Variants in TBC1D32 observed in about 807,000 individuals in gnomAD.
TBC1D32 encodes TBC1 domain family member 32.
TBC1D32 carries 151 observed loss-of-function variants against 170.3 expected under a neutral mutation model. The ratio of observed to expected loss-of-function variants is 0.89; its 90% CI spans 0.78 to 1.01. The LOEUF (loss-of-function observed/expected upper bound fraction) is 1.01. TBC1D32 is among the 50% of genes least tolerant of loss of function. TBC1D32 has a pLI of 0.00. For synonymous variants in TBC1D32, 498 were observed against 488.0 expected (o/e 1.02, Z -0.27); for missense variants, 1,464 against 1,457.1 (o/e 1.00, Z -0.08).
In TBC1D32 at chr6:121,160,954, G is replaced by A. The variant is rs771787901; in HGVS notation, c.2673C>T (p.Leu891=). ...CTCTTTGCCCCACACTCACCTTTTCGAGTAACCTCGGAGGCAAAATCCGTT... is the reference window on the plus strand; with the variant it reads ...CTCTTTGCCCCACACTCACCTTTTCAAGTAACCTCGGAGGCAAAATCCGTT... The part of the protein sequence containing the change: ...PLERILPPRL[L]EKSDNPYPWP... The change falls in exon 23 of 32, where the codon CTC becomes CTT. Residue 891 remains leucine (L), a synonymous_variant. Transcript: ENST00000398212. 41 of 1,613,052 alleles carry A rather than the reference G, an allele frequency of 2.5e-5. No homozygotes were observed. The highest frequency in any genetic ancestry group is 6.7e-5 in the East Asian group (3 of 44,848).
At chr6:121,223,039 T>A (rs1794692868) in intron 21 of TBC1D32, among the ~76,000 whole-genome samples, 197 bp downstream of exon 21, 1 of 152,198 alleles carries the variant, frequency 6.6e-6, no homozygotes, top group South Asian at 2.1e-4. Context: ...GTCTTGGGAA[T>A]GTTAGGTGAC....
At position 121,154,915 on chromosome 6, in the gene TBC1D32, T is replaced by C. The variant is rs540093195; in HGVS notation, c.2773+5095A>G. On this transcript the variant is annotated intron_variant, in intron 24 of 31. Coordinates refer to ENST00000398212, the MANE Select transcript of TBC1D32 (RefSeq NM_152730.6). ...TGTTGGTTACTTTCACCTTATAGTA[T>C]AGTTTGAAGTCAGGTAATGTGATGC... is the stretch of plus-strand genomic sequence containing the variant. Among the ~76,000 whole-genome samples the C allele has an allele frequency of 5.9e-5, 9 of 152,326 alleles. No homozygotes were observed. In the East Asian group the frequency reaches 1.7e-3, roughly 29 times the overall value.
At chr6:121,143,231 T>C (rs1783016379) in intron 24 of TBC1D32, among the ~76,000 whole-genome samples, 1 of 152,188 alleles carries the variant, frequency 6.6e-6, no homozygotes, top group Non-Finnish European at 1.5e-5. Context: ...TATACTCATA[T>C]ACATGTATTC....
intron 22 of TBC1D32, among the ~76,000 whole-genome samples, chr6:121,162,447 T>C (rs922348473): frequency 6.6e-6 from 1 of 152,130 alleles, no homozygotes; most frequent in African/African-American, 2.4e-5. Flanking sequence ...GACAGTATCA[T>C]ACTAAATGAG....
intron 24 of TBC1D32, among the ~76,000 whole-genome samples, chr6:121,140,666 T>C (rs904686237): frequency 6.6e-6 from 1 of 152,090 alleles, no homozygotes; most frequent in African/African-American, 2.4e-5. Flanking sequence ...AATCGCAGAC[T>C]AAAAGGCTGT....
rs779465127 is a variant in TBC1D32 at position 121,113,065 on chromosome 6, G to T, written c.3166C>A (p.Leu1056Ile). 2 of 1,603,664 alleles carry T rather than the reference G, an allele frequency of 1.2e-6. No homozygotes were observed. Among genetic ancestry groups the T allele is most frequent in the Non-Finnish European group, 8.5e-7 (1 of 1,175,440 alleles). ...KQQQTSIKSS[L>I]LCLQGNYAGH... is the part of the protein sequence containing the mutation. ...TGAATATACTCAAAAAGGATATGAA[G>T]AGAAGATTTTATGGAAGTTTGCTGC... The change falls in exon 28 of 32, where the codon CTT (leucine) becomes ATT (isoleucine). Residue 1056 changes from leucine (L) to isoleucine (I), a missense_variant. Leu to Ile is a conservative substitution (Grantham distance 5). Transcript: ENST00000398212.
At chr6:121,098,727 GAAGCAGTGTACAAAGTGTGTACA>G (rs935131172) in intron 30 of TBC1D32, among the ~76,000 whole-genome samples, 1 of 152,080 alleles carries the variant, frequency 6.6e-6, no homozygotes, top group South Asian at 2.1e-4. Flanking sequence ...GAGGGGTACA[GAAGCAGTGTACAAAGTGTGTACA>G]AAGCAGTGTA....
At chr6:121,118,462 T>G (rs144003344) in intron 26 of TBC1D32, among the ~76,000 whole-genome samples, 228 of 152,310 alleles carry the variant, frequency 1.5e-3, no homozygotes, top group African/African-American at 5.3e-3. Context: ...TGACAAAATT[T>G]ATGTCACATG....
chr6:121,258,820 T>C (rs1041331818), intron 15 of TBC1D32, among the ~76,000 whole-genome samples: 8 of 152,142 alleles, frequency 5.3e-5, no homozygotes, highest in Admixed American at 4.6e-4. Flanking sequence ...TTCAATCAAC[T>C]AGCCTCTTCT....
At chr6:121,133,134 C>G (rs1781623025) in intron 24 of TBC1D32, among the ~76,000 whole-genome samples, 1 of 151,852 alleles carries the variant, frequency 6.6e-6, no homozygotes, top group South Asian at 2.1e-4. Flanking sequence ...AATCATCTAC[C>G]TAAGCTCTAT....
chr6:121,172,933 T>C (rs1787260790), intron 22 of TBC1D32, among the ~76,000 whole-genome samples: 1 of 152,186 alleles, frequency 6.6e-6, no homozygotes. Context: ...ATTTGAAGAT[T>C]ACATATGATT....
chr6:121,121,097 C>A (rs1403705368), intron 26 of TBC1D32, among the ~76,000 whole-genome samples: 1 of 151,806 alleles, frequency 6.6e-6, no homozygotes, highest in Non-Finnish European at 1.5e-5. Context: ...GAGTTTGACA[C>A]CTAATGTAAC....
intron 24 of TBC1D32, among the ~76,000 whole-genome samples, chr6:121,139,585 A>G (rs574767997): frequency 6.6e-6 from 1 of 152,314 alleles, no homozygotes; most frequent in South Asian, 2.1e-4. Context: ...CAAAATCAGT[A>G]TAGATTAATG....
At chr6:121,334,646 C>T, upstream of TBC1D32, 1 of 595,282 alleles carries the variant, frequency 1.7e-6, no homozygotes, top group Non-Finnish European at 3.0e-6. Flanking sequence ...CGCGAGGTCT[C>T]GCCTCTGGTA....
At chr6:121,310,355 C>A (rs557320949) in intron 4 of TBC1D32, among the ~76,000 whole-genome samples, 2 of 151,816 alleles carry the variant, frequency 1.3e-5, no homozygotes, top group Non-Finnish European at 2.9e-5. Flanking sequence ...TTGTACAAGA[C>A]GAATATACAC....
At chr6:121,291,740 A>G (rs1285947261) in intron 12 of TBC1D32, among the ~76,000 whole-genome samples, 1 of 152,182 alleles carries the variant, frequency 6.6e-6, no homozygotes, top group African/African-American at 2.4e-5. Flanking sequence ...ACAAAGGTTA[A>G]GTGATTTTCC....
At chr6:121,190,069 TACAGACACACACAC>T (rs1239107527) in intron 22 of TBC1D32, among the ~76,000 whole-genome samples, 12 of 83,586 alleles carry the variant, frequency 1.4e-4, no homozygotes, top group Admixed American at 4.0e-4. Context: ...CCTAGCCCAA[TACAGACACACACAC>T]ACACACACAC....
intron 22 of TBC1D32, among the ~76,000 whole-genome samples, chr6:121,186,584 T>C (rs1789238616): frequency 6.6e-6 from 1 of 152,098 alleles, no homozygotes; most frequent in African/African-American, 2.4e-5. Flanking sequence ...CTGTACTAAC[T>C]AACCATATTT....
At chr6:121,320,846 C>T (rs551488251) in intron 2 of TBC1D32, among the ~76,000 whole-genome samples, 13 of 152,168 alleles carry the variant, frequency 8.5e-5, no homozygotes, top group African/African-American at 2.2e-4. Context: ...TATATTCAAA[C>T]GTTTCCGATA....
Sources: gnomAD v4.1 joint callset for allele counts (sites outside exome capture counted in the v4.1 genomes callset) on GRCh38, gnomAD v4.1.1 for gene constraint, MANE v1.5 for transcripts, NCBI Gene and HGNC (gene_info 2026-07-23, HGNC 2026-07-21) for gene names.